Variants in DOCK8 observed in about 807,000 individuals in gnomAD.
DOCK8 encodes dedicator of cytokinesis protein 8.
A neutral mutation model predicts 245.6 loss-of-function variants in DOCK8; 141 were observed. That is an observed-to-expected ratio of 0.57 (90% CI 0.50 to 0.66). The LOEUF (loss-of-function observed/expected upper bound fraction) is 0.66, where lower values mean the gene tolerates loss of function less well. Among genes scored for constraint, DOCK8 ranks in the 30% least tolerant of loss-of-function variants. The pLI, the probability that DOCK8 is intolerant of heterozygous loss-of-function variation, is 0.00. For missense variants in DOCK8, 2,965 were observed against 2,603.4 expected (o/e 1.14, Z -3.02); for synonymous variants, 1,168 against 970.2 (o/e 1.20, Z -3.79).
At chr9:430,537 G>A (rs910850426) in intron 36 of DOCK8, among the ~76,000 whole-genome samples, 11 of 151,844 alleles carry the variant, frequency 7.2e-5, no homozygotes, top group African/African-American at 2.7e-4. Context: ...AAAATTAGCC[G>A]GGTGTGGTGG....
At chr9:453,810 T>A (rs1367851501) in intron 46 of DOCK8, among the ~76,000 whole-genome samples, 3 of 152,178 alleles carry the variant, frequency 2.0e-5, no homozygotes, top group Non-Finnish European at 2.9e-5. Context: ...ATTGGGGGCT[T>A]AAAAAAATTT....
chr9:226,402 G>T (rs969436918), intron 1 of DOCK8, among the ~76,000 whole-genome samples: 3 of 152,156 alleles, frequency 2.0e-5, no homozygotes, highest in African/African-American at 7.2e-5. Flanking sequence ...TATCAAATGG[G>T]ATGGTTTATG....
At chr9:225,257 C>T (rs886201567) in intron 1 of DOCK8, among the ~76,000 whole-genome samples, 1 of 152,124 alleles carries the variant, frequency 6.6e-6, no homozygotes, top group African/African-American at 2.4e-5. Flanking sequence ...AGGACAAAAA[C>T]TCAGAGAGAG....
At chr9:376,145 A>G in intron 18 of DOCK8, 65 bp from the exon 19 acceptor site, 1 of 1,156,728 alleles carries the variant, frequency 8.6e-7, no homozygotes, top group South Asian at 1.2e-5. Context: ...GTTGGTCTGC[A>G]TTGCTTGTTA....
At chr9:368,660 C>CAT (rs35818030) in intron 15 of DOCK8, 34,153 of 153,136 alleles carry the variant, frequency 0.22, 3,921 homozygotes, top group Middle Eastern at 0.28. Context: ...TCAAATTATT[C>CAT]ATATATATAT....
At chr9:412,404 CAA>C (rs59340573) in intron 28 of DOCK8, among the ~76,000 whole-genome samples, 58 of 100,752 alleles carry the variant, frequency 5.8e-4, no homozygotes, top group Non-Finnish European at 9.3e-4. Flanking sequence ...GACCCTGTCT[CAA>C]AAAAAAAAAA....
rs374438425 is a variant in DOCK8 at position 239,329 on chromosome 9, TA to T, written c.53+24301del. ...TCCCCTGGAGCTCACATTTTCTGGG[TA>T]CTGAAAGATATGGTAGATACATATG... On this transcript the variant is annotated intron_variant, in intron 1 of 47. Coordinates refer to ENST00000432829, the MANE Select transcript of DOCK8 (RefSeq NM_203447.4). 2.8e-3 allele frequency among the ~76,000 whole-genome samples: 428 copies of T among 152,278 alleles called. 5 individuals are homozygous for T. The highest frequency in any genetic ancestry group is 9.8e-3 in the African/African-American group (408 of 41,548).
intron 24 of DOCK8, among the ~76,000 whole-genome samples, chr9:392,012 C>T (rs941967033): frequency 4.0e-4 from 61 of 151,340 alleles, no homozygotes; most frequent in African/African-American, 1.4e-3. Context: ...GTGGCGGGTG[C>T]CTGTAATCCC....
At chr9:309,268 AAAAC>A (rs1473705541) in intron 5 of DOCK8, among the ~76,000 whole-genome samples, 1 of 152,206 alleles carries the variant, frequency 6.6e-6, no homozygotes, top group East Asian at 1.9e-4. Context: ...AATTTTAAGA[AAAAC>A]AAAAGTATTA....
intron 46 of DOCK8, among the ~76,000 whole-genome samples, chr9:460,730 G>A (rs1398945609): frequency 6.6e-6 from 1 of 152,194 alleles, no homozygotes; most frequent in African/African-American, 2.4e-5. Flanking sequence ...ATGAAGCTGT[G>A]GTGCTAAGTT....
intron 7 of DOCK8, among the ~76,000 whole-genome samples, chr9:324,130 G>A (rs1412588510): frequency 6.6e-6 from 1 of 152,256 alleles, no homozygotes; most frequent in Non-Finnish European, 1.5e-5. Context: ...AGCAGATGGT[G>A]GAGGAGGAAC....
chr9:385,048 G>A (rs1420147594), intron 22 of DOCK8, among the ~76,000 whole-genome samples: 2 of 152,180 alleles, frequency 1.3e-5, no homozygotes, highest in East Asian at 1.9e-4. Context: ...ATCAGTTCAG[G>A]GATGTGCTGG....
In DOCK8 at chr9:443,460, G is replaced by A. The variant is rs796341160; in HGVS notation, c.5524G>A (p.Val1842Met). 3 of 1,614,058 alleles carry A rather than the reference G, an allele frequency of 1.9e-6. No individual in the cohort carries two copies. Among genetic ancestry groups the A allele is most frequent in the Non-Finnish European group, 2.5e-6 (3 of 1,179,986 alleles). ...TGGTCAATGTTTTGGTGCAGAATTTGTGGAAGTGATTAAAGACTCCACTCC... is the reference window on the plus strand; with the variant it reads ...TGGTCAATGTTTTGGTGCAGAATTTATGGAAGTGATTAAAGACTCCACTCC... ...FYGQCFGAEFVEVIKDSTPVD... is the reference protein window; with the variant it reads ...FYGQCFGAEFMEVIKDSTPVD... Residue 1842 changes from valine (V) to methionine (M), a missense_variant, in exon 43 of 48, where the codon GTG (valine) becomes ATG (methionine). Physicochemically the swap from Val to Met is conservative, Grantham distance 21. Around this residue, in one of 3 missense-constraint regions of DOCK8, gnomAD observed 2,825 missense variants for 2,453.5 expected, o/e 1.15. Coordinates refer to ENST00000432829, the MANE Select transcript of DOCK8 (RefSeq NM_203447.4).
chr9:220,727 T>C (rs1386540290), intron 1 of DOCK8: 3 of 412,800 alleles, frequency 7.3e-6, no homozygotes, highest in South Asian at 1.8e-5. Context: ...CTTTTTTTTT[T>C]TTTTTCTTTT....
intron 22 of DOCK8, among the ~76,000 whole-genome samples, chr9:384,605 T>C (rs2131312146): frequency 6.6e-6 from 1 of 152,278 alleles, no homozygotes; most frequent in Middle Eastern, 3.4e-3. Flanking sequence ...AAGAACCATC[T>C]ACCCTGGGTC....
chr9:422,753 G>C (rs565383580), intron 33 of DOCK8, among the ~76,000 whole-genome samples: 2 of 152,302 alleles, frequency 1.3e-5, no homozygotes, highest in East Asian at 3.9e-4. Context: ...GGGAGGCTGA[G>C]GCCGGTGGAA....
intron 1 of DOCK8, among the ~76,000 whole-genome samples, chr9:248,492 C>A (rs2047564389): frequency 6.6e-6 from 1 of 151,594 alleles, no homozygotes; most frequent in Non-Finnish European, 1.5e-5. Flanking sequence ...TCCTCTCTTT[C>A]TTCCTTCCTT....
chr9:303,335 C>T (rs901982443), intron 4 of DOCK8, among the ~76,000 whole-genome samples: 4 of 152,152 alleles, frequency 2.6e-5, no homozygotes, highest in Non-Finnish European at 4.4e-5. Flanking sequence ...CACATGCACT[C>T]GTATGTTCCT....
At chr9:434,206 T>A (rs979245911) in intron 38 of DOCK8, among the ~76,000 whole-genome samples, 1 of 152,280 alleles carries the variant, frequency 6.6e-6, no homozygotes, top group Non-Finnish European at 1.5e-5. Context: ...ATAATAACAT[T>A]ATTAAATATA....
Sources: gnomAD v4.1 joint callset for allele counts (sites outside exome capture counted in the v4.1 genomes callset) on GRCh38, gnomAD v4.1.1 for gene constraint, gnomAD v4.1.1 regional missense constraint, MANE v1.5 for transcripts, NCBI Gene and HGNC (gene_info 2026-07-23, HGNC 2026-07-21) for gene names.